The following MAK variants were observed in gnomAD, a reference collection of about 807,000 sequenced individuals.
MAK encodes serine/threonine-protein kinase MAK.
A neutral mutation model predicts 82.6 loss-of-function variants in MAK; 65 were observed. That is an observed-to-expected ratio of 0.79 (90% CI 0.64 to 0.97). The LOEUF is 0.97. MAK is among the 50% of genes least tolerant of loss of function. MAK has a pLI of 0.00. For missense variants in MAK, 703 were observed against 780.2 expected (o/e 0.90, Z 1.18); for synonymous variants, 250 against 274.2 (o/e 0.91, Z 0.87).
At chr6:10,798,468 G>C (rs1466014412) in intron 8 of MAK, among the ~76,000 whole-genome samples, 2 of 152,034 alleles carry the variant, frequency 1.3e-5, no homozygotes, top group Admixed American at 6.6e-5. Flanking sequence ...CAAGAAGAGG[G>C]AAAACTTTAA....
chr6:10,819,649 C>G (rs1363281760), intron 2 of MAK, among the ~76,000 whole-genome samples: 1 of 151,974 alleles, frequency 6.6e-6, no homozygotes, highest in African/African-American at 2.4e-5. Context: ...TTGTTCTTTA[C>G]TTCCCCTCTT....
intron 8 of MAK, chr6:10,797,521 A>G (rs1348329079): frequency 1.1e-6 from 1 of 871,206 alleles, no homozygotes; most frequent in Non-Finnish European, 1.4e-6. Context: ...CTGGTTCACA[A>G]CGTCAGTAAG....
intron 14 of MAK, among the ~76,000 whole-genome samples, chr6:10,769,308 C>T (rs985267765): frequency 1.7e-4 from 26 of 152,328 alleles, no homozygotes; most frequent in African/African-American, 5.8e-4. Flanking sequence ...TGGTGCTTCA[C>T]TAAGAATATC....
At chr6:10,823,213 A>G (rs1330509832) in intron 2 of MAK, among the ~76,000 whole-genome samples, 4 of 152,174 alleles carry the variant, frequency 2.6e-5, no homozygotes, top group Non-Finnish European at 4.4e-5. Context: ...GCCAGCATTC[A>G]GCTTCTTCTC....
At chr6:10,805,571 GAAAA>G (rs540676488) in intron 6 of MAK, among the ~76,000 whole-genome samples, 1 of 126,602 alleles carries the variant, frequency 7.9e-6, no homozygotes. Context: ...TGGGTGACAG[GAAAA>G]AAAAAAAAAA....
At chr6:10,798,760 AT>A (rs1466704225) in intron 8 of MAK, among the ~76,000 whole-genome samples, 6 of 151,896 alleles carry the variant, frequency 4.0e-5, no homozygotes, top group Non-Finnish European at 7.4e-5. Flanking sequence ...CTGGCAGTAT[AT>A]TCCAAATTAA....
chr6:10,773,792 A>G (rs1487267192), intron 12 of MAK, among the ~76,000 whole-genome samples: 1 of 151,658 alleles, frequency 6.6e-6, no homozygotes, highest in East Asian at 1.9e-4. Flanking sequence ...CCTGGGTTCA[A>G]GCGATTCTCC....
chr6:10,805,479 C>T (rs540549147), intron 6 of MAK, among the ~76,000 whole-genome samples: 60 of 151,044 alleles, frequency 4.0e-4, no homozygotes, highest in Non-Finnish European at 7.8e-4. Flanking sequence ...CTCAGCTACT[C>T]GAGAGGCTGA....
intron 2 of MAK, among the ~76,000 whole-genome samples, chr6:10,820,849 A>G (rs543918083): frequency 7.5e-4 from 115 of 152,396 alleles, no homozygotes; most frequent in Non-Finnish European, 1.4e-3. Flanking sequence ...ATTTAAAATA[A>G]AACAGAAGCC....
At chr6:10,814,428 G>A (rs981570760) in intron 4 of MAK, among the ~76,000 whole-genome samples, 3 of 152,008 alleles carry the variant, frequency 2.0e-5, no homozygotes, top group African/African-American at 4.8e-5. Flanking sequence ...CAGCACTTTG[G>A]GAGGCCAAGG....
chr6:10,819,084 C>G, intron 2 of MAK, 144 bp from the exon 3 acceptor site: 1 of 658,890 alleles, frequency 1.5e-6, no homozygotes, highest in Non-Finnish European at 2.8e-6. Flanking sequence ...AAATCACCTC[C>G]TATACCTCAA....
Position 10,796,188 on chromosome 6 carries a change from T to C in MAK, c.953A>G (p.Glu318Gly). 2 of 1,614,176 alleles carry C rather than the reference T, an allele frequency of 1.2e-6. No individual in the cohort carries two copies. The highest frequency in any genetic ancestry group is 8.5e-7 in the Non-Finnish European group (1 of 1,180,010). ...ATCCGGCAGAGGCTTAGGCTCTACC[T>C]CAACTAAAGATGGCTTTGATTCTAA... ...QPLESKPSLVEVEPKPLPDII... is the reference protein window; with the variant it reads ...QPLESKPSLVGVEPKPLPDII... The change falls in exon 9 of 15, where the codon GAG becomes GGG. Residue 318 changes from glutamate (E) to glycine (G), a missense_variant. Transcript: ENST00000354489.
chr6:10,805,307 G>A (rs1776340766), intron 6 of MAK, among the ~76,000 whole-genome samples: 1 of 152,064 alleles, frequency 6.6e-6, no homozygotes, highest in Non-Finnish European at 1.5e-5. Context: ...AAGTTTGGTG[G>A]CCAGGCACAG....
intron 14 of MAK, among the ~76,000 whole-genome samples, chr6:10,769,235 ATAAAT>A (rs1293331465): frequency 1.3e-5 from 2 of 152,340 alleles, no homozygotes; most frequent in South Asian, 2.1e-4. Flanking sequence ...ATTAAAATAA[ATAAAT>A]TAAACTACAA....
intron 4 of MAK, among the ~76,000 whole-genome samples, chr6:10,816,959 G>C (rs931891770): frequency 2.0e-5 from 3 of 152,064 alleles, no homozygotes; most frequent in African/African-American, 7.2e-5. Context: ...AAGGGACTCT[G>C]AAAAAGTAAA....
intron 4 of MAK, among the ~76,000 whole-genome samples, 172 bp from the exon 5 acceptor site, chr6:10,813,895 A>AT (rs563846069): frequency 0.019 from 2,901 of 151,890 alleles, 86 homozygotes; most frequent in African/African-American, 0.058. Context: ...TGAAAATTAG[A>AT]TTTTTTTTTG....
At chr6:10,807,542 T>C (rs181672968) in intron 6 of MAK, among the ~76,000 whole-genome samples, 26 of 151,776 alleles carry the variant, frequency 1.7e-4, no homozygotes, top group Admixed American at 5.2e-4. Context: ...GGTTTAGCCA[T>C]GTTGGCCAGG....
intron 2 of MAK, chr6:10,829,136 T>A: frequency 6.6e-6 from 1 of 152,356 alleles, no homozygotes; most frequent in East Asian, 1.9e-4. Flanking sequence ...ACTACCCAGC[T>A]AAGCTACTTC....
chr6:10,773,907 G>C lies in MAK; in HGVS notation c.1598-799C>G, dbSNP rs1330559473. Among the ~76,000 whole-genome samples, 4 of 151,896 alleles carry C rather than the reference G, an allele frequency of 2.6e-5. No individual in the cohort carries two copies. In the East Asian group the frequency reaches 7.7e-4, roughly 29 times the overall value. On this transcript the variant is annotated intron_variant, in intron 12 of 14. Transcript: ENST00000354489. Reference sequence around the variant, plus strand: ...GTAGAGACAGGGTTTCACCATGTTGGTCAGGCGGGTCTCGAACTCCGGACC... The same window carrying C: ...GTAGAGACAGGGTTTCACCATGTTGCTCAGGCGGGTCTCGAACTCCGGACC...
Sources: gnomAD v4.1 joint callset for allele counts (sites outside exome capture counted in the v4.1 genomes callset) on GRCh38, gnomAD v4.1.1 for gene constraint, MANE v1.5 for transcripts, NCBI Gene and HGNC (gene_info 2026-07-23, HGNC 2026-07-21) for gene names.